The following RAD50 variants were observed in gnomAD, a reference collection of about 807,000 sequenced individuals.
RAD50 encodes RAD50 double strand break repair protein.
Under a neutral mutation model 168.8 loss-of-function variants are expected in RAD50, and 132 were observed. The observed-to-expected ratio is 0.78, with a 90% CI of 0.68 to 0.90. The LOEUF (loss-of-function observed/expected upper bound fraction) is 0.90, where lower values mean the gene tolerates loss of function less well. Ranked by LOEUF, RAD50 falls within the 40% of genes least tolerant of loss-of-function variation. The pLI is 0.00. For missense variants in RAD50, 1,347 were observed against 1,534.4 expected, an observed-to-expected ratio of 0.88 and a Z score of 2.04; for synonymous variants, 525 against 497.4, an observed-to-expected ratio of 1.06 and a Z score of -0.74.
intron 11 of RAD50, 59 bp from the exon 12 acceptor site, chr5:132,594,810 A>T (rs1475614825): frequency 1.3e-6 from 2 of 1,524,104 alleles, no homozygotes; most frequent in Non-Finnish European, 1.8e-6. Context: ...TGCCTACTCA[A>T]ATTTTCAAAC....
At chr5:132,571,223 C>G (rs141712443) in intron 2 of RAD50, among the ~76,000 whole-genome samples, 4 of 151,666 alleles carry the variant, frequency 2.6e-5, no homozygotes, top group African/African-American at 9.7e-5. Flanking sequence ...AAATGTGACA[C>G]AGAGACACAA....
intron 21 of RAD50, among the ~76,000 whole-genome samples, chr5:132,621,611 C>G (rs1003304284): frequency 2.6e-5 from 4 of 152,062 alleles, no homozygotes; most frequent in Non-Finnish European, 5.9e-5. Context: ...AGAAGTTTTT[C>G]CCCTTAATTT....
chr5:132,617,623 C>T (rs1049690376), intron 20 of RAD50, among the ~76,000 whole-genome samples: 3 of 152,086 alleles, frequency 2.0e-5, no homozygotes, highest in Non-Finnish European at 4.4e-5. Context: ...AGTATTACTG[C>T]AGAAAATTAA....
chr5:132,623,490 A>G (rs1253982712), intron 21 of RAD50, among the ~76,000 whole-genome samples: 3 of 152,148 alleles, frequency 2.0e-5, no homozygotes, highest in Non-Finnish European at 4.4e-5. Context: ...CAAAACTAAC[A>G]ATAACAGTAA....
intron 19 of RAD50, among the ~76,000 whole-genome samples, chr5:132,610,779 A>G (rs975468925): frequency 1.3e-5 from 2 of 152,228 alleles, no homozygotes; most frequent in African/African-American, 2.4e-5. Flanking sequence ...AGTTGCCTAT[A>G]TAAAAATCAC....
At chr5:132,563,273 T>G (rs1175346210) in intron 2 of RAD50, among the ~76,000 whole-genome samples, 1 of 152,152 alleles carries the variant, frequency 6.6e-6, no homozygotes, top group Non-Finnish European at 1.5e-5. Flanking sequence ...AGAGCACAAT[T>G]CTTGAGTAGG....
At chr5:132,619,471 T>C (rs368068073) in intron 21 of RAD50, among the ~76,000 whole-genome samples, 7 of 152,140 alleles carry the variant, frequency 4.6e-5, no homozygotes, top group African/African-American at 1.4e-4. Context: ...GCAATCATAG[T>C]TCAGTGTAAC....
At chr5:132,591,196 C>T (rs748846683) in intron 9 of RAD50, 28 bp from the exon 10 acceptor site, 1 of 1,571,754 alleles carries the variant, frequency 6.4e-7, no homozygotes, top group Non-Finnish European at 8.8e-7. Context: ...TATATAACAC[C>T]TTTGCATTTG....
At chr5:132,612,127 A>G (rs1751098724) in intron 19 of RAD50, among the ~76,000 whole-genome samples, 2 of 152,352 alleles carry the variant, frequency 1.3e-5, no homozygotes, top group East Asian at 1.9e-4. Flanking sequence ...ATGGCCATCA[A>G]CTGATGATCA....
intron 21 of RAD50, among the ~76,000 whole-genome samples, chr5:132,628,072 G>C (rs1197947940): frequency 1.3e-5 from 2 of 152,326 alleles, no homozygotes; most frequent in East Asian, 3.9e-4. Flanking sequence ...AAATGGGTGG[G>C]ACTGGGGAGA....
intron 8 of RAD50, 25 bp from the exon 9 acceptor site, chr5:132,589,606 G>A (rs1021853387): frequency 2.0e-6 from 3 of 1,489,784 alleles, no homozygotes; most frequent in Non-Finnish European, 2.7e-6. Flanking sequence ...AATTATTAAT[G>A]CTCATTCTTT....
At chr5:132,587,406 C>T (rs1750612019) in intron 5 of RAD50, among the ~76,000 whole-genome samples, 156 bp from the exon 6 acceptor site, 1 of 152,186 alleles carries the variant, frequency 6.6e-6, no homozygotes, top group South Asian at 2.1e-4. Flanking sequence ...TGTCTCTGAA[C>T]TTCAGTTTCT....
intron 21 of RAD50, among the ~76,000 whole-genome samples, chr5:132,626,563 T>C (rs1751375650): frequency 6.6e-6 from 1 of 152,212 alleles, no homozygotes; most frequent in South Asian, 2.1e-4. Context: ...CATTCTTTAA[T>C]GTAAGTTAAG....
chr5:132,585,071 A>G (rs1313316372), intron 5 of RAD50, among the ~76,000 whole-genome samples: 1 of 152,204 alleles, frequency 6.6e-6, no homozygotes, highest in Non-Finnish European at 1.5e-5. Context: ...CATGTTGTGC[A>G]CATGTACCCT....
chr5:132,577,706 C>T (rs1750422997), intron 3 of RAD50, among the ~76,000 whole-genome samples: 1 of 151,870 alleles, frequency 6.6e-6, no homozygotes, highest in African/African-American at 2.4e-5. Context: ...GCTCAAACTA[C>T]TCTGTGTTCA....
At chr5:132,614,541 C>G (rs1243438189) in intron 19 of RAD50, among the ~76,000 whole-genome samples, 1 of 151,484 alleles carries the variant, frequency 6.6e-6, no homozygotes, top group East Asian at 1.9e-4. Flanking sequence ...TGCTCAAGTC[C>G]CTTATATAAA....
intron 21 of RAD50, 112 bp from the exon 22 acceptor site, chr5:132,637,003 A>G (rs1751593212): frequency 1.2e-6 from 1 of 851,938 alleles, no homozygotes; most frequent in Non-Finnish European, 1.5e-6. Flanking sequence ...AATATTGAGG[A>G]AGTTATTTAT....
Position 132,603,528 on chromosome 5 carries a change from CCATGGTGGCT to C in RAD50, c.2397+40_2397+49del, listed in dbSNP as rs751427969. The C allele has an allele frequency of 2.5e-6, 4 of 1,583,484 alleles. No individual in the cohort carries two copies. The East Asian group carries it at 6.7e-5, about 27-fold the overall frequency. On this transcript the variant is annotated intron_variant, in intron 14 of 24. Coordinates refer to ENST00000378823, the MANE Select transcript of RAD50 (RefSeq NM_005732.4). ...AGTTTAAGGCAGAATAAAACTTGTTCCATGGTGGCTTGAATTTGAAGTGTGAGAGTTAAAA... is the reference window on the plus strand; with the variant it reads ...AGTTTAAGGCAGAATAAAACTTGTTCTGAATTTGAAGTGTGAGAGTTAAAA...
intron 2 of RAD50, among the ~76,000 whole-genome samples, chr5:132,559,794 A>C (rs140487947): frequency 6.6e-6 from 1 of 152,300 alleles, no homozygotes; most frequent in African/African-American, 2.4e-5. Context: ...GTACCATGAT[A>C]AGCCAGGCTT....
Sources: allele counts gnomAD v4.1 joint callset (sites outside exome capture counted in the v4.1 genomes callset), GRCh38; gene constraint gnomAD v4.1.1; transcripts MANE v1.5; gene names NCBI Gene and HGNC (gene_info 2026-07-23, HGNC 2026-07-21).